Variants in USP4 observed in about 807,000 individuals in gnomAD.
The protein encoded by USP4 is ubiquitin specific peptidase 4.
A neutral mutation model predicts 118.2 loss-of-function variants in USP4; 72 were observed. The observed-to-expected ratio is 0.61, with a 90% CI of 0.50 to 0.74. The LOEUF (loss-of-function observed/expected upper bound fraction) is 0.74. USP4 is among the 30% of genes least tolerant of loss of function. The pLI, the probability that USP4 is intolerant of heterozygous loss-of-function variation, is 0.00. For missense variants in USP4, 1,037 were observed against 1,185.7 expected (o/e 0.87, Z 1.84); for synonymous variants, 415 against 440.4 (o/e 0.94, Z 0.72).
rs1211940338 is a variant in USP4 at position 49,325,086 on chromosome 3, G to A, written c.488-47C>T. 5.0e-6 allele frequency: 8 copies of A among 1,591,628 alleles called. No individual in the cohort carries two copies. The Admixed American group carries it at 5.3e-5, about 11-fold the overall frequency. On this transcript the variant is annotated intron_variant, in intron 4 of 21. Transcript: ENST00000265560. Reference sequence around the variant, plus strand: ...ACTTGGGGCTTTGTCCACATGCAAGGCTAAAGACAGCCATGGCAAACTAAT... The same window carrying A: ...ACTTGGGGCTTTGTCCACATGCAAGACTAAAGACAGCCATGGCAAACTAAT...
intron 6 of USP4, chr3:49,317,213 C>T (rs762600504): frequency 6.6e-7 from 1 of 1,509,284 alleles, no homozygotes; most frequent in Non-Finnish European, 9.2e-7. Context: ...GCCTCCGTCT[C>T]CGCGATGGTC....
In USP4 at chr3:49,339,905, G is replaced by A. The variant is rs2047720057; in HGVS notation, c.101+19C>T. The A allele has an allele frequency of 6.2e-7, 1 of 1,607,486 alleles. No individual in the cohort carries two copies. The highest frequency in any genetic ancestry group is 8.5e-7 in the Non-Finnish European group (1 of 1,175,724). On this transcript the variant is annotated intron_variant, in intron 1 of 21. Coordinates refer to ENST00000265560, the MANE Select transcript of USP4 (RefSeq NM_003363.4). ...CGGCCCCTGGTTCTGCATAGAGGAA[G>A]AGCGAGCCGGGAGCTCACCACTGCG...
At chr3:49,338,662 CAAAA>C (rs1184984948) in intron 1 of USP4, among the ~76,000 whole-genome samples, 2 of 52,874 alleles carry the variant, frequency 3.8e-5, no homozygotes, top group Non-Finnish European at 4.3e-5. Flanking sequence ...AATTCCTTCT[CAAAA>C]AAAAAAAAAA....
chr3:49,334,580 T>C (rs2047650670), intron 2 of USP4, among the ~76,000 whole-genome samples: 1 of 152,116 alleles, frequency 6.6e-6, no homozygotes, highest in South Asian at 2.1e-4. Context: ...ACCCCGTCTC[T>C]ACCAAAAAAC....
chr3:49,335,832 A>G (rs2047663670), intron 1 of USP4, among the ~76,000 whole-genome samples: 1 of 152,150 alleles, frequency 6.6e-6, no homozygotes, highest in Non-Finnish European at 1.5e-5. Flanking sequence ...GAAAGAAAAC[A>G]AGTGGTTTCA....
chr3:49,291,439 G>A (rs1276109437), intron 15 of USP4, among the ~76,000 whole-genome samples: 1 of 151,444 alleles, frequency 6.6e-6, no homozygotes, highest in Non-Finnish European at 1.5e-5. Context: ...GCCAGGCATG[G>A]TGGCATGCGC....
intron 6 of USP4, among the ~76,000 whole-genome samples, chr3:49,320,245 C>T (rs768863491): frequency 6.6e-5 from 10 of 152,256 alleles, no homozygotes; most frequent in South Asian, 2.1e-4. Flanking sequence ...GACAGGGTCT[C>T]CAGCCTGACC....
chr3:49,316,179 GA>G (rs1227793845), intron 6 of USP4, among the ~76,000 whole-genome samples: 3 of 152,090 alleles, frequency 2.0e-5, no homozygotes, highest in African/African-American at 4.8e-5. Flanking sequence ...TCCAGACTGG[GA>G]AATGAGAGCG....
intron 13 of USP4, 34 bp from the exon 14 acceptor site, chr3:49,294,632 G>A: frequency 6.3e-7 from 1 of 1,593,782 alleles, no homozygotes; most frequent in Non-Finnish European, 8.6e-7. Flanking sequence ...ACTTTTAGCA[G>A]TAGGTCCTTG....
At chr3:49,335,443 A>T in intron 2 of USP4, 26 bp downstream of exon 2, 1 of 1,614,162 alleles carries the variant, frequency 6.2e-7, no homozygotes, top group Non-Finnish European at 8.5e-7. Flanking sequence ...GTGAATGTTT[A>T]GCTAGAAAAG....
intron 10 of USP4, among the ~76,000 whole-genome samples, chr3:49,301,553 T>C (rs2047263619): frequency 6.6e-6 from 1 of 152,012 alleles, no homozygotes; most frequent in South Asian, 2.1e-4. Flanking sequence ...CTGGGCATGG[T>C]GGCACGTGGC....
chr3:49,280,940 A>G, intron 19 of USP4, 93 bp from the exon 20 acceptor site: 2 of 964,244 alleles, frequency 2.1e-6, no homozygotes, highest in South Asian at 2.9e-5. Context: ...GCAACAGGGC[A>G]GAACACAGGG....
intron 15 of USP4, among the ~76,000 whole-genome samples, chr3:49,291,852 C>T (rs1176627829): frequency 6.6e-6 from 1 of 151,104 alleles, no homozygotes; most frequent in African/African-American, 2.4e-5. Context: ...TTCACTCTGT[C>T]GCCCAGGCTG....
At chr3:49,323,270 T>TA (rs1645316994) in intron 6 of USP4, among the ~76,000 whole-genome samples, 1 of 140,578 alleles carries the variant, frequency 7.1e-6, no homozygotes, top group East Asian at 2.0e-4. Context: ...CCTGGCCTTT[T>TA]TAAAAAAAAA....
At chr3:49,309,941 A>ATTTTTTTTTTTTTTTTTT (rs2047365541) in intron 8 of USP4, among the ~76,000 whole-genome samples, 2 of 15,398 alleles carry the variant, frequency 1.3e-4, no homozygotes, top group Non-Finnish European at 1.1e-4. Flanking sequence ...CTTTTTTTTA[A>ATTTTTTTTTTTTTTTTTT]TCTTTTTTTT....
chr3:49,331,389 G>A (rs569497138), intron 2 of USP4, among the ~76,000 whole-genome samples: 18 of 152,082 alleles, frequency 1.2e-4, no homozygotes, highest in African/African-American at 3.9e-4. Flanking sequence ...GGGAGGTCAA[G>A]GCGGGTGGAT....
chr3:49,311,344 T>G (rs1379085562), intron 7 of USP4, among the ~76,000 whole-genome samples, 170 bp downstream of exon 7: 1 of 152,108 alleles, frequency 6.6e-6, no homozygotes, highest in Non-Finnish European at 1.5e-5. Context: ...GATCAGAACT[T>G]GGAAGCACAC....
At chr3:49,292,637 A>G (rs1341486893) in intron 14 of USP4, 39 bp from the exon 15 acceptor site, 2 of 1,389,654 alleles carry the variant, frequency 1.4e-6, no homozygotes, top group East Asian at 2.5e-5. Flanking sequence ...AAAGATTGTT[A>G]GTTGTAACAT....
chr3:49,317,698 T>C (rs1471350471), intron 6 of USP4, among the ~76,000 whole-genome samples: 1 of 150,148 alleles, frequency 6.7e-6, no homozygotes, highest in Non-Finnish European at 1.5e-5. Context: ...CCTGCCACCA[T>C]GCCCGTGGTG....
Sources: allele counts gnomAD v4.1 joint callset (sites outside exome capture counted in the v4.1 genomes callset), GRCh38; gene constraint gnomAD v4.1.1; transcripts MANE v1.5; gene names NCBI Gene and HGNC (gene_info 2026-07-23, HGNC 2026-07-21).